Variants in P2RX5 observed in about 807,000 individuals in gnomAD.
P2RX5 encodes the protein purinergic receptor P2X 5.
In P2RX5, 46 loss-of-function variants were observed where a neutral mutation model predicts 54.1. The ratio of observed to expected loss-of-function variants is 0.85; its 90% CI spans 0.67 to 1.09. P2RX5 has a LOEUF of 1.09. Ranked by LOEUF, P2RX5 falls within the 50% of genes least tolerant of loss-of-function variation. The pLI, the probability that P2RX5 is intolerant of heterozygous loss-of-function variation, is 0.00. For synonymous variants in P2RX5, 226 were observed against 226.4 expected, an observed-to-expected ratio of 1.00 and a Z score of 0.02; for missense variants, 566 against 549.8, an observed-to-expected ratio of 1.03 and a Z score of -0.29.
At chr17:3,688,533 C>T in intron 8 of P2RX5, 93 bp downstream of exon 8, 1 of 1,397,008 alleles carries the variant, frequency 7.2e-7, no homozygotes, top group Non-Finnish European at 1.0e-6. Flanking sequence ...CTGACACCCA[C>T]CCCCAGGAAG....
chr17:3,706,936 A>G, the P2RX5 span, among the ~76,000 whole-genome samples: 20 of 152,316 alleles, frequency 1.3e-4, no homozygotes, highest in African/African-American at 4.3e-4. Context: ...CAGAAATTGT[A>G]TATTCCTGTC....
At chr17:3,679,998 C>G (rs1281439089) in intron 10 of P2RX5, among the ~76,000 whole-genome samples, 1 of 151,144 alleles carries the variant, frequency 6.6e-6, no homozygotes, top group Non-Finnish European at 1.5e-5. Context: ...CCTGCTTCCT[C>G]CACGTGGCGT....
intron 11 of P2RX5, among the ~76,000 whole-genome samples, chr17:3,675,146 TCTC>T (rs1242381987): frequency 3.3e-5 from 5 of 152,046 alleles, no homozygotes; most frequent in African/African-American, 7.2e-5. Context: ...TTCAAGCAAT[TCTC>T]CTGCCTCAGC....
At chr17:3,718,307 A>G in the P2RX5 span, 1 of 152,256 alleles carries the variant, frequency 6.6e-6, no homozygotes, top group Non-Finnish European at 1.5e-5. Context: ...ATGAAGAAAA[A>G]TCCAACATCC....
intron 4 of P2RX5, 38 bp from the exon 5 acceptor site, chr17:3,690,561 C>T (rs1328422249): frequency 6.2e-7 from 1 of 1,611,936 alleles, no homozygotes; most frequent in Admixed American, 1.7e-5. Context: ...AGGAGCCTCC[C>T]ACTCCGAGTC....
intron 2 of P2RX5, 65 bp downstream of exon 2, chr17:3,691,579 G>T: frequency 1.3e-6 from 2 of 1,598,908 alleles, no homozygotes; most frequent in Non-Finnish European, 1.7e-6. Context: ...GAAGCTTCCC[G>T]TGTGACCCAC....
At chr17:3,723,319 G>A in the P2RX5 span, 1 of 1,613,504 alleles carries the variant, frequency 6.2e-7, no homozygotes, top group East Asian at 2.2e-5. Flanking sequence ...GATCTCTGCA[G>A]CCACGGTGAC....
At chr17:3,698,869 C>T (rs971102928), upstream of P2RX5, among the ~76,000 whole-genome samples, 1 of 152,002 alleles carries the variant, frequency 6.6e-6, no homozygotes, top group Non-Finnish European at 1.5e-5. Context: ...GATCCAGACC[C>T]ACTGGTGAGG....
chr17:3,687,976 C>T (rs771083241), intron 9 of P2RX5, 36 bp downstream of exon 9: 3 of 611,830 alleles, frequency 4.9e-6, no homozygotes, highest in South Asian at 1.5e-5. Context: ...GCCCCCGCCC[C>T]CCGCCCAGCC....
chr17:3,716,183 GA>G, the P2RX5 span, among the ~76,000 whole-genome samples: 5 of 147,612 alleles, frequency 3.4e-5, no homozygotes, highest in African/African-American at 1.3e-4. Context: ...AAAAAAAAAA[GA>G]AAAAAAAGCA....
At chr17:3,690,922 C>A (rs749812715) in intron 3 of P2RX5, 34 bp downstream of exon 3, 3 of 1,587,842 alleles carry the variant, frequency 1.9e-6, no homozygotes, top group Non-Finnish European at 2.6e-6. Flanking sequence ...GTGGCTCTCC[C>A]ACCCCCACGC....
the P2RX5 span, among the ~76,000 whole-genome samples, chr17:3,711,725 C>T: frequency 2.6e-5 from 4 of 151,638 alleles, no homozygotes; most frequent in Non-Finnish European, 4.4e-5. Flanking sequence ...GACAGGGTCT[C>T]GCTCTGTTGC....
At chr17:3,695,245 G>T (rs2050724252) in intron 1 of P2RX5, among the ~76,000 whole-genome samples, 1 of 152,218 alleles carries the variant, frequency 6.6e-6, no homozygotes, top group Non-Finnish European at 1.5e-5. Flanking sequence ...TGGCTTTGTG[G>T]CGCCAGCTCC....
At chr17:3,715,856 T>G in the P2RX5 span, among the ~76,000 whole-genome samples, 1 of 151,688 alleles carries the variant, frequency 6.6e-6, no homozygotes, top group Admixed American at 6.6e-5. Context: ...AAGACCCTGG[T>G]GTTTATTTTT....
At chr17:3,703,144 G>A in the P2RX5 span, among the ~76,000 whole-genome samples, 1 of 152,110 alleles carries the variant, frequency 6.6e-6, no homozygotes, top group East Asian at 1.9e-4. Flanking sequence ...GATGAAAAGC[G>A]AGAATGTATG....
the P2RX5 span, among the ~76,000 whole-genome samples, chr17:3,714,229 TTTTG>T: frequency 5.3e-5 from 7 of 132,620 alleles, no homozygotes; most frequent in Non-Finnish European, 9.9e-5. Flanking sequence ...ACCCCGCCTA[TTTTG>T]TTTTTTTCTT....
At chr17:3,675,599 C>G in intron 11 of P2RX5, 2 of 970,498 alleles carry the variant, frequency 2.1e-6, no homozygotes, top group Non-Finnish European at 2.4e-6. Context: ...TCGCCCAGGC[C>G]AGAGTGCAGT....
At position 3,688,626 on chromosome 17, in the gene P2RX5, C is replaced by G. The variant is rs970156490; in HGVS notation, c.887G>C (p.Arg296Thr). Residue 296 changes from arginine (R) to threonine (T), a missense_variant and splice_region_variant, in exon 8 of 12, where the codon AGA (arginine) becomes ACA (threonine). By Grantham distance (71) the Arg-to-Thr change is moderately conservative. Transcript: ENST00000225328. ...SKSVSSGYNF[R>T]FARYYRDAAG... ...CAAGTGGGCACAAGGCAGCGGTTAC[C>G]TGAAGTTGTACCCGGAGGAGACAGA... 6.2e-7 allele frequency: 1 copy of G among 1,614,014 alleles called. No individual in the cohort carries two copies. Among genetic ancestry groups the G allele is most frequent in the Non-Finnish European group, 8.5e-7 (1 of 1,180,032 alleles).
rs1131057 is a variant in P2RX5, at chr17:3,681,906, C to T, written c.1054G>A (p.Glu352Lys). Reference protein sequence around the residue: ...KREFYRDKKYEEVRGLEDSSQ... With the variant: ...KREFYRDKKYKEVRGLEDSSQ... ...GGAAGCGGAACTGACCTCACTTCCTCGTACTTCTTGTCACGGTAAAACTCT... is the reference window on the plus strand; with the variant it reads ...GGAAGCGGAACTGACCTCACTTCCTTGTACTTCTTGTCACGGTAAAACTCT... Residue 352 changes from glutamate to lysine, a missense_variant, in exon 10 of 12, where the codon GAG (glutamate) becomes AAG (lysine). Coordinates refer to ENST00000225328, the MANE Select transcript of P2RX5 (RefSeq NM_002561.4). 6.8e-4 allele frequency: 1,101 copies of T among 1,612,614 alleles called. No homozygotes were observed. Among genetic ancestry groups the T allele is most frequent in the Non-Finnish European group, 9.0e-4 (1,058 of 1,178,662 alleles).
Sources: gnomAD v4.1 joint callset for allele counts (sites outside exome capture counted in the v4.1 genomes callset) on GRCh38, gnomAD v4.1.1 for gene constraint, MANE v1.5 for transcripts, NCBI Gene and HGNC (gene_info 2026-07-23, HGNC 2026-07-21) for gene names.